Variants in AHCTF1 observed in about 807,000 individuals in gnomAD.
The protein encoded by AHCTF1 is protein ELYS.
Under a neutral mutation model 248.4 loss-of-function variants are expected in AHCTF1, and 24 were observed. That is an observed-to-expected ratio of 0.10 (90% CI 0.07 to 0.14). The LOEUF is 0.14. AHCTF1 is among the 10% of genes least tolerant of loss of function. The pLI is 1.00. For missense variants in AHCTF1, 2,206 were observed against 2,636.2 expected, an observed-to-expected ratio of 0.84 and a Z score of 3.57; for synonymous variants, 786 against 929.8, an observed-to-expected ratio of 0.85 and a Z score of 2.81.
Position 246,913,428 on chromosome 1 carries a change from C to A in AHCTF1, c.376-16G>T, listed in dbSNP as rs758476757. ...TAGCTGTTACCTAGAAAACATAATA[C>A]GTGATTTGCTTTTCTTCTGCAAAGT... On this transcript the variant is annotated splice_polypyrimidine_tract_variant and intron_variant, in intron 3 of 35. Transcript: ENST00000648844. The A allele has an allele frequency of 6.3e-7, 1 of 1,585,838 alleles. No individual in the cohort carries two copies. The highest frequency in any genetic ancestry group is 8.6e-7 in the Non-Finnish European group (1 of 1,163,996).
At chr1:246,884,212 G>C (rs1337329818) in intron 21 of AHCTF1, among the ~76,000 whole-genome samples, 1 of 152,140 alleles carries the variant, frequency 6.6e-6, no homozygotes, top group Non-Finnish European at 1.5e-5. Flanking sequence ...AAAAATCTCA[G>C]TATTGATTCT....
At chr1:246,860,093 C>T (rs935194002) in intron 29 of AHCTF1, among the ~76,000 whole-genome samples, 4 of 151,916 alleles carry the variant, frequency 2.6e-5, no homozygotes, top group Non-Finnish European at 5.9e-5. Flanking sequence ...AACCCCGTCT[C>T]TACTAAAAAT....
chr1:246,916,979 T>C (rs545413473), intron 2 of AHCTF1, among the ~76,000 whole-genome samples: 1 of 152,368 alleles, frequency 6.6e-6, no homozygotes, highest in African/African-American at 2.4e-5. Context: ...TGATAGGAAG[T>C]CTCAGAACCT....
intron 33 of AHCTF1, among the ~76,000 whole-genome samples, chr1:246,844,855 A>G (rs1164066863): frequency 1.3e-5 from 2 of 151,752 alleles, no homozygotes; most frequent in African/African-American, 4.8e-5. Context: ...AGCAATTATC[A>G]ATATAATTAC....
intron 14 of AHCTF1, among the ~76,000 whole-genome samples, chr1:246,893,521 T>A (rs1664360729): frequency 6.6e-6 from 1 of 152,238 alleles, no homozygotes; most frequent in Admixed American, 6.5e-5. Flanking sequence ...TAGTACTTTT[T>A]AGCCTTATTT....
At chr1:246,928,825 G>C (rs2103263436) in intron 1 of AHCTF1, among the ~76,000 whole-genome samples, 1 of 152,262 alleles carries the variant, frequency 6.6e-6, no homozygotes, top group East Asian at 1.9e-4. Flanking sequence ...AAGACGAATT[G>C]TCATTTAAAT....
chr1:246,843,003 A>G (rs1659990093), intron 34 of AHCTF1, among the ~76,000 whole-genome samples: 1 of 152,138 alleles, frequency 6.6e-6, no homozygotes, highest in Admixed American at 6.5e-5. Context: ...CATCAGTTTT[A>G]TTTTTGAATG....
At chr1:246,891,487 T>C (rs115409554) in intron 15 of AHCTF1, among the ~76,000 whole-genome samples, 6,306 of 152,256 alleles carry the variant, frequency 0.041, 444 homozygotes, top group African/African-American at 0.14. Context: ...TTATGAGTTC[T>C]TTGAATAAAA....
rs529549845 is a variant in AHCTF1, at chr1:246,931,872, C to T, written c.-302G>A. The T allele has an allele frequency of 3.2e-4, 49 of 152,894 alleles. No homozygotes were observed. Among genetic ancestry groups the T allele is most frequent in the African/African-American group, 1.1e-3 (45 of 41,594 alleles). 9.5% of individuals were successfully genotyped at this position (152,894 alleles called of 1,614,324 possible). Reference sequence around the variant, plus strand: ...GCTGCTCCCGCCGCGCTTCTGGGTCCTTCCCCTTGCAACGCTGCCTGCTCG... The same window carrying T: ...GCTGCTCCCGCCGCGCTTCTGGGTCTTTCCCCTTGCAACGCTGCCTGCTCG... On this transcript the variant is annotated 5_prime_UTR_variant, in exon 1 of 36. Transcript: ENST00000648844.
intron 1 of AHCTF1, among the ~76,000 whole-genome samples, chr1:246,922,527 G>C (rs1346408429): frequency 1.3e-5 from 2 of 151,170 alleles, no homozygotes; most frequent in South Asian, 2.1e-4. Flanking sequence ...CTGGGCTCTA[G>C]CAATCTCTCG....
At chr1:246,929,265 C>T (rs540423488) in intron 1 of AHCTF1, among the ~76,000 whole-genome samples, 1 of 151,996 alleles carries the variant, frequency 6.6e-6, no homozygotes, top group African/African-American at 2.4e-5. Flanking sequence ...AAAAATTAGC[C>T]GAGTGTGGCG....
At position 246,849,723 on chromosome 1, in the gene AHCTF1, G is replaced by A. The variant is rs745520896; in HGVS notation, c.6283C>T (p.Arg2095Cys). Residue 2095 changes from arginine (R) to cysteine (C), a missense_variant, in exon 33 of 36, where the codon CGC becomes TGC. Arg to Cys is a radical substitution (Grantham distance 180). Around this residue, in one of 6 missense-constraint regions of AHCTF1, gnomAD observed 469 missense variants for 470.0 expected, o/e 1.00. Transcript: ENST00000648844. ...LATASFTKSS[R>C]SSRTRSSKAI... ...TTGCTAGACCGAGTCCTGCTGCTGCGGGATGATTTAGTGAAGGAAGCTGTG... is the reference window on the plus strand; with the variant it reads ...TTGCTAGACCGAGTCCTGCTGCTGCAGGATGATTTAGTGAAGGAAGCTGTG... 19 of 1,613,828 alleles carry A rather than the reference G, an allele frequency of 1.2e-5. No homozygotes were observed. The highest frequency in any genetic ancestry group is 5.5e-5 in the South Asian group (5 of 91,074).
At chr1:246,913,488 A>C in intron 3 of AHCTF1, 76 bp from the exon 4 acceptor site, 3 of 1,407,790 alleles carry the variant, frequency 2.1e-6, no homozygotes, top group Non-Finnish European at 2.9e-6. Context: ...ATTTAAGTTA[A>C]AGCAGGTTAT....
chr1:246,872,467 C>CAT (rs1349909372), intron 24 of AHCTF1, among the ~76,000 whole-genome samples: 1 of 152,184 alleles, frequency 6.6e-6, no homozygotes. Flanking sequence ...TCAAAGACAT[C>CAT]ATCTTGAGGT....
intron 31 of AHCTF1, 64 bp from the exon 32 acceptor site, chr1:246,853,363 C>T: frequency 1.5e-5 from 21 of 1,377,130 alleles, no homozygotes; most frequent in Non-Finnish European, 2.1e-5. Context: ...CACAAGGAAG[C>T]AAACAGAAAG....
At chr1:246,916,535 C>T in intron 2 of AHCTF1, 140 bp from the exon 3 acceptor site, 1 of 804,136 alleles carries the variant, frequency 1.2e-6, no homozygotes, top group Non-Finnish European at 1.9e-6. Flanking sequence ...TTTAATCAAG[C>T]AACTATCATT....
At chr1:246,859,492 A>C (rs1201812445) in intron 29 of AHCTF1, among the ~76,000 whole-genome samples, 7 of 152,190 alleles carry the variant, frequency 4.6e-5, no homozygotes, top group Admixed American at 4.6e-4. Flanking sequence ...TTTGATCTTC[A>C]ACACCTAGAA....
Position 246,850,179 on chromosome 1 carries a change from C to T in AHCTF1, c.5827G>A (p.Val1943Ile), listed in dbSNP as rs780228627. The change falls in exon 33 of 36, where the codon GTT becomes ATT. Residue 1943 changes from valine (V) to isoleucine (I), a missense_variant. Physicochemically the swap from Val to Ile is conservative, Grantham distance 29 (BLOSUM62 3). Around this residue, in one of 6 missense-constraint regions of AHCTF1, gnomAD observed 469 missense variants for 470.0 expected, o/e 1.00. Coordinates refer to ENST00000648844, the MANE Select transcript of AHCTF1 (RefSeq NM_001323342.2). ...TCTTCTCTCACATCTGATGGACTAA[C>T]TTCTCTCCCTCTGACCCTTCTAACA... Reference protein sequence around the residue: ...KHVRRVRGREVSPSDVREDSN... With the variant: ...KHVRRVRGREISPSDVREDSN... 6 of 1,605,462 alleles carry T rather than the reference C, an allele frequency of 3.7e-6. No individual in the cohort carries two copies. The East Asian group carries it at 1.3e-4, about 36-fold the overall frequency.
intron 17 of AHCTF1, 60 bp downstream of exon 17, chr1:246,889,906 C>A: frequency 1.6e-6 from 2 of 1,269,564 alleles, no homozygotes; most frequent in South Asian, 1.3e-5. Flanking sequence ...AAACGATGAA[C>A]ACTATTCTGA....
Sources: allele counts gnomAD v4.1 joint callset (sites outside exome capture counted in the v4.1 genomes callset), GRCh38; gene constraint gnomAD v4.1.1; regional missense constraint gnomAD v4.1.1; transcripts MANE v1.5; gene names NCBI Gene and HGNC (gene_info 2026-07-23, HGNC 2026-07-21).